Variants in DSC1 observed in about 807,000 individuals in gnomAD.
The protein encoded by DSC1 is desmocollin 1.
DSC1 carries 79 observed loss-of-function variants against 98.8 expected under a neutral mutation model. That is an observed-to-expected ratio of 0.80 (90% CI 0.67 to 0.96). The LOEUF (loss-of-function observed/expected upper bound fraction) is 0.96, where lower values mean the gene tolerates loss of function less well. Among genes scored for constraint, DSC1 ranks in the 50% least tolerant of loss-of-function variants. The probability of loss-of-function intolerance (pLI) is 0.00; values close to 1 mark genes in which losing one functional copy is unlikely to be tolerated. For missense variants in DSC1, 1,115 were observed against 1,075.9 expected (o/e 1.04, Z -0.51); for synonymous variants, 405 against 372.1 (o/e 1.09, Z -1.02).
intron 5 of DSC1, chr18:31,150,752 A>G (rs1988986361): frequency 1.3e-5 from 2 of 152,198 alleles, no homozygotes; most frequent in African/African-American, 4.8e-5. Flanking sequence ...TGTCATTTTG[A>G]TATTTTAGCT....
At chr18:31,138,617 TA>T (rs35838282) in intron 11 of DSC1, among the ~76,000 whole-genome samples, 118,141 of 149,112 alleles carry the variant, frequency 0.79, 47,406 homozygotes, top group Non-Finnish European at 0.87. Context: ...ATTTTGTTAT[TA>T]AAAAAAAAAA....
Position 31,162,850 on chromosome 18 carries a change from T to C in DSC1, c.-256A>G. ...ACGTCTAAATGCAAAGAGGCTTTCC[T>C]ACAAGTGAGGAGGGTGGGGTACAAA... is the stretch of plus-strand genomic sequence containing the variant. On this transcript the variant is annotated 5_prime_UTR_variant, in exon 1 of 16. Transcript: ENST00000257198. 2.2e-6 allele frequency: 1 copy of C among 463,988 alleles called. No homozygotes were observed. Among genetic ancestry groups the C allele is most frequent in the South Asian group, 2.8e-5 (1 of 35,986 alleles). 28.7% of individuals were successfully genotyped at this position (463,988 alleles called of 1,614,324 possible). A position where few individuals can be genotyped will look rare whatever the true frequency, so the allele number is the denominator to read the frequency against.
At chr18:31,142,377 A>G (rs1329957270) in intron 8 of DSC1, among the ~76,000 whole-genome samples, 193 bp from the exon 9 acceptor site, 1 of 152,098 alleles carries the variant, frequency 6.6e-6, no homozygotes, top group Non-Finnish European at 1.5e-5. Context: ...TATCTTTTCC[A>G]TTCTTCAAAG....
At chr18:31,159,669 C>T in intron 1 of DSC1, 140 bp from the exon 2 acceptor site, 3 of 802,706 alleles carry the variant, frequency 3.7e-6, no homozygotes, top group Non-Finnish European at 5.7e-6. Context: ...TTAATACTCA[C>T]TTTAAAAGGA....
intron 5 of DSC1, among the ~76,000 whole-genome samples, chr18:31,152,022 C>A (rs113936026): frequency 0.013 from 1,983 of 151,912 alleles, 47 homozygotes; most frequent in African/African-American, 0.045. Flanking sequence ...ATTAGCTGGG[C>A]GTGGTGGTGG....
Position 31,134,559 on chromosome 18 carries a change from C to T in DSC1, c.1876+13G>A. 1.3e-6 allele frequency: 2 copies of T among 1,586,948 alleles called. No homozygotes were observed. Among genetic ancestry groups the T allele is most frequent in the Middle Eastern group, 3.4e-4 (2 of 5,950 alleles). On this transcript the variant is annotated intron_variant, in intron 12 of 15. Coordinates refer to ENST00000257198, the MANE Select transcript of DSC1 (RefSeq NM_024421.2). ...AGTCCGTATTGACTATAAAATTTAG[C>T]ATGATTACATACCATCCTTTTCTTC...
At chr18:31,139,262 T>C (rs1272510292) in intron 11 of DSC1, among the ~76,000 whole-genome samples, 1 of 152,076 alleles carries the variant, frequency 6.6e-6, no homozygotes, top group Non-Finnish European at 1.5e-5. Context: ...AAGTCATTGT[T>C]TGACCATTGC....
At position 31,130,092 on chromosome 18, in the gene DSC1, G is replaced by C. The variant is rs1314355513; in HGVS notation, c.*422C>G. On this transcript the variant is annotated 3_prime_UTR_variant, in exon 16 of 16. Transcript: ENST00000257198. Reference sequence around the variant, plus strand: ...AATGCAATTATCTGGCACCAACTATGTTCTAAGAACATAATTCTCCCCAAG... The same window carrying C: ...AATGCAATTATCTGGCACCAACTATCTTCTAAGAACATAATTCTCCCCAAG... The C allele has an allele frequency of 6.0e-6, 1 of 166,766 alleles. No individual in the cohort carries two copies. Among genetic ancestry groups the C allele is most frequent in the African/African-American group, 2.4e-5 (1 of 41,612 alleles). The allele number at this position is 166,766 out of a possible 1,614,324, so 10.3% of individuals were successfully genotyped here. A position where few individuals can be genotyped will look rare whatever the true frequency, so the allele number is the denominator to read the frequency against.
At chr18:31,132,496 T>G in intron 14 of DSC1, 72 bp downstream of exon 14, 15 of 1,568,978 alleles carry the variant, frequency 9.6e-6, no homozygotes, top group Non-Finnish European at 1.2e-5. Flanking sequence ...ATATTATCAT[T>G]GACATTGTTG....
chr18:31,131,509 T>C (rs1195354490), intron 15 of DSC1, 85 bp downstream of exon 15: 2 of 1,535,084 alleles, frequency 1.3e-6, no homozygotes, highest in African/African-American at 1.4e-5. Flanking sequence ...TCCAGGTATA[T>C]GAGGAGTAAA....
At chr18:31,141,067 G>A (rs1000609063) in intron 9 of DSC1, among the ~76,000 whole-genome samples, 3 of 152,092 alleles carry the variant, frequency 2.0e-5, no homozygotes, top group Admixed American at 6.6e-5. Context: ...TGATTCTGAG[G>A]CCTCCCTAGC....
Position 31,132,610 on chromosome 18 carries a change from A to G in DSC1, c.2196T>C (p.Asn732=). The G allele has an allele frequency of 1.2e-6, 2 of 1,613,548 alleles. No homozygotes were observed. Among genetic ancestry groups the G allele is most frequent in the South Asian group, 2.2e-5 (2 of 91,060 alleles). The change falls in exon 14 of 16, where the codon AAT becomes AAC. Residue 732 remains asparagine (N), a synonymous_variant. Transcript: ENST00000257198. The part of the protein sequence containing the change: ...KCFPEDIAQQ[N]LIVSNTEGPG... ...GTCCTTCAGTATTTGATACAATTAAATTTTGCTGGGCTATGTCTTCTGGAA... is the reference window on the plus strand; with the variant it reads ...GTCCTTCAGTATTTGATACAATTAAGTTTTGCTGGGCTATGTCTTCTGGAA...
chr18:31,140,158 G>A lies in DSC1; in HGVS notation c.1404C>T (p.Gly468=), dbSNP rs2144927307. The A allele has an allele frequency of 1.2e-6, 2 of 1,613,958 alleles. No individual in the cohort carries two copies. The highest frequency in any genetic ancestry group is 2.2e-5 in the East Asian group (1 of 44,860). ...CTTTCACTGGAGGGTGGCATTCAGG[G>A]CCCTCATCACTGTCTATAATTTTAA... ...VTVKIIDSDE[G]PECHPPVKVI... is the part of the protein sequence containing the mutation. Residue 468 remains glycine (G), a synonymous_variant, in exon 10 of 16, where the codon GGC becomes GGT. Coordinates refer to ENST00000257198, the MANE Select transcript of DSC1 (RefSeq NM_024421.2).
Position 31,130,728 on chromosome 18 carries a change from C to T in DSC1, c.2488-17G>A, listed in dbSNP as rs1161246955. ...ATACACCTTCTGTATCAAAAAAGAGCACATTTTATTATTTTTTAAAAAACA... is the reference window on the plus strand; with the variant it reads ...ATACACCTTCTGTATCAAAAAAGAGTACATTTTATTATTTTTTAAAAAACA... On this transcript the variant is annotated splice_polypyrimidine_tract_variant and intron_variant, in intron 15 of 15. Coordinates refer to ENST00000257198, the MANE Select transcript of DSC1 (RefSeq NM_024421.2). 1 of 1,612,834 alleles carries T rather than the reference C, an allele frequency of 6.2e-7. No homozygotes were observed. The highest frequency in any genetic ancestry group is 1.7e-5 in the Admixed American group (1 of 59,772).
At chr18:31,156,395 C>T (rs186864640) in intron 3 of DSC1, among the ~76,000 whole-genome samples, 3 of 152,246 alleles carry the variant, frequency 2.0e-5, no homozygotes, top group African/African-American at 7.2e-5. Context: ...ATGTATAGGG[C>T]ATTTGGAAAG....
chr18:31,160,420 A>G (rs1173829785), intron 1 of DSC1, among the ~76,000 whole-genome samples: 1 of 152,198 alleles, frequency 6.6e-6, no homozygotes, highest in African/African-American at 2.4e-5. Flanking sequence ...CTTTTCTCTG[A>G]ATTCTAGAGT....
intron 3 of DSC1, 107 bp from the exon 4 acceptor site, chr18:31,156,269 A>G (rs1989096523): frequency 1.7e-5 from 23 of 1,330,780 alleles, no homozygotes; most frequent in Non-Finnish European, 2.4e-5. Context: ...ACACATTACA[A>G]TATCATGGCT....
rs147309022 is a variant in DSC1, at chr18:31,130,633, C to A, written c.2566G>T (p.Gly856Cys). ...YVCSYNYEGK[G>C]SLAGSVGCCS... ...CAACCTACTGAGCCGGCCAGAGAAC[C>A]TTTGCCTTCATAGTTATACGAACAA... The change falls in exon 16 of 16, where the codon GGT (glycine) becomes TGT (cysteine). Residue 856 changes from glycine (G) to cysteine (C), a missense_variant. By Grantham distance (159) the Gly-to-Cys change is radical (BLOSUM62 -3). Coordinates refer to ENST00000257198, the MANE Select transcript of DSC1 (RefSeq NM_024421.2). 14 of 1,614,050 alleles carry A rather than the reference C, an allele frequency of 8.7e-6. No homozygotes were observed. Among genetic ancestry groups the A allele is most frequent in the African/African-American group, 1.3e-5 (1 of 74,930 alleles).
intron 2 of DSC1, among the ~76,000 whole-genome samples, chr18:31,158,211 G>A (rs1989139633): frequency 6.6e-6 from 1 of 152,156 alleles, no homozygotes; most frequent in Admixed American, 6.5e-5. Context: ...AGGTTGCAGT[G>A]AGCAGAGATA....
Sources: gnomAD v4.1 joint callset for allele counts (sites outside exome capture counted in the v4.1 genomes callset) on GRCh38, gnomAD v4.1.1 for gene constraint, MANE v1.5 for transcripts, NCBI Gene and HGNC (gene_info 2026-07-23, HGNC 2026-07-21) for gene names.